Variants in ANXA8 observed in about 807,000 individuals in gnomAD.
ANXA8 encodes VAC-beta.
In ANXA8, 9 loss-of-function variants were observed where a neutral mutation model predicts 26.8. The observed-to-expected ratio is 0.34, with a 90% CI of 0.20 to 0.59. The LOEUF (loss-of-function observed/expected upper bound fraction) is 0.59, where lower values mean the gene tolerates loss of function less well. Among genes scored for constraint, ANXA8 ranks in the 20% least tolerant of loss-of-function variants. ANXA8 has a pLI of 0.84. For synonymous variants in ANXA8, 39 were observed against 94.8 expected (o/e 0.41, Z 3.42); for missense variants, 83 against 238.5 (o/e 0.35, Z 4.29).
At chr10:47,660,630 ACCT>A in the ANXA8 span, among the ~76,000 whole-genome samples, 1 of 151,634 alleles carries the variant, frequency 6.6e-6, no homozygotes, top group Non-Finnish European at 1.5e-5. Flanking sequence ...TGAACTCCTG[ACCT>A]CCAGTGATCT....
the ANXA8 span, among the ~76,000 whole-genome samples, chr10:47,696,064 C>T: frequency 6.6e-6 from 1 of 151,630 alleles, no homozygotes; most frequent in Non-Finnish European, 1.5e-5. Context: ...CACTACTTTG[C>T]CTTCTGGTCC....
At chr10:47,636,545 C>T in the ANXA8 span, among the ~76,000 whole-genome samples, 1 of 144,516 alleles carries the variant, frequency 6.9e-6, no homozygotes, top group Admixed American at 6.9e-5. Flanking sequence ...AAAAATTGTA[C>T]ACCTTTCATA....
At chr10:47,991,697 C>T in the ANXA8 span, 2 of 1,611,362 alleles carry the variant, frequency 1.2e-6, no homozygotes, top group African/African-American at 1.3e-5. Context: ...TTCCACCAGG[C>T]CATCTCTTTC....
the ANXA8 span, among the ~76,000 whole-genome samples, chr10:47,566,408 G>C: frequency 1.3e-5 from 2 of 150,408 alleles, no homozygotes; most frequent in Non-Finnish European, 3.0e-5. Context: ...AAACTTTCTT[G>C]CCACAAACTG....
At chr10:47,720,402 A>G in the ANXA8 span, among the ~76,000 whole-genome samples, 1 of 146,804 alleles carries the variant, frequency 6.8e-6, no homozygotes, top group Non-Finnish European at 1.5e-5. Context: ...TAGAATTTAA[A>G]GGCTAAAAGT....
At chr10:47,777,529 A>G in the ANXA8 span, among the ~76,000 whole-genome samples, 2 of 152,204 alleles carry the variant, frequency 1.3e-5, no homozygotes, top group Non-Finnish European at 2.9e-5. Flanking sequence ...CCAATATGCA[A>G]CAGCCAGTAA....
At chr10:47,733,053 A>G in the ANXA8 span, among the ~76,000 whole-genome samples, 1 of 150,790 alleles carries the variant, frequency 6.6e-6, no homozygotes, top group South Asian at 2.1e-4. Flanking sequence ...AAAAAGGGGG[A>G]CTTGATTGAC....
the ANXA8 span, among the ~76,000 whole-genome samples, chr10:47,515,968 A>G: frequency 7.6e-6 from 1 of 132,080 alleles, no homozygotes; most frequent in Non-Finnish European, 1.6e-5. Flanking sequence ...AAAGGAATTG[A>G]TAGGACCAGT....
At chr10:47,667,833 G>A in the ANXA8 span, among the ~76,000 whole-genome samples, 1 of 152,002 alleles carries the variant, frequency 6.6e-6, no homozygotes, top group Non-Finnish European at 1.5e-5. Context: ...CGCCTACTGG[G>A]TTCAAGCCAT....
chr10:47,743,329 CATATATATATACAT>C, the ANXA8 span, among the ~76,000 whole-genome samples: 4 of 47,790 alleles, frequency 8.4e-5, no homozygotes, highest in African/African-American at 2.8e-4. Flanking sequence ...TATATATATA[CATATATATATACAT>C]ATATATATAT....
chr10:47,957,320 A>C, the ANXA8 span, among the ~76,000 whole-genome samples: 1 of 150,386 alleles, frequency 6.6e-6, no homozygotes, highest in Non-Finnish European at 1.5e-5. Context: ...TAGCCTCCGG[A>C]TGCTGCTGGC....
the ANXA8 span, among the ~76,000 whole-genome samples, chr10:47,733,179 T>TTCTCTCTCTCTCTCTCTC: frequency 1.1e-5 from 1 of 87,586 alleles, no homozygotes; most frequent in African/African-American, 3.2e-5. Flanking sequence ...CTTTCTTTCT[T>TTCTCTCTCTCTCTCTCTC]TCTTTCTTTC....
the ANXA8 span, among the ~76,000 whole-genome samples, chr10:47,497,305 G>A: frequency 1.1e-5 from 1 of 88,502 alleles, no homozygotes. Context: ...GATAACAAGA[G>A]CAAAAGTCCA....
the ANXA8 span, among the ~76,000 whole-genome samples, chr10:47,947,363 T>C: frequency 1.4e-5 from 2 of 140,662 alleles, no homozygotes; most frequent in Non-Finnish European, 3.0e-5. Context: ...GGAATTGCTA[T>C]GGTTGCATGT....
At chr10:47,748,359 G>A in the ANXA8 span, among the ~76,000 whole-genome samples, 11 of 148,270 alleles carry the variant, frequency 7.4e-5, no homozygotes, top group South Asian at 4.5e-4. Context: ...TTACAGGCAC[G>A]CGCCACCATG....
chr10:47,727,218 AC>A, the ANXA8 span, among the ~76,000 whole-genome samples: 3 of 152,298 alleles, frequency 2.0e-5, no homozygotes, highest in Non-Finnish European at 2.9e-5. Context: ...ATTTTACTTA[AC>A]TCTAGTTTTA....
chr10:47,488,957 C>T (rs1371186167), upstream of ANXA8, among the ~76,000 whole-genome samples: 62 of 148,260 alleles, frequency 4.2e-4, no homozygotes, highest in Non-Finnish European at 4.6e-4. Flanking sequence ...CCTCATGATC[C>T]GCCCACCTCA....
the ANXA8 span, among the ~76,000 whole-genome samples, chr10:47,619,118 C>T: frequency 5.3e-5 from 6 of 113,220 alleles, 1 homozygote; most frequent in African/African-American, 2.0e-4. Context: ...GAGACTTATA[C>T]AGGTATGAGA....
At chr10:47,670,180 A>G in the ANXA8 span, among the ~76,000 whole-genome samples, 3 of 151,960 alleles carry the variant, frequency 2.0e-5, no homozygotes, top group Non-Finnish European at 4.4e-5. Flanking sequence ...GGTATAGCAT[A>G]GATCACTGCT....
Sources: allele counts gnomAD v4.1 joint callset (sites outside exome capture counted in the v4.1 genomes callset), GRCh38; gene constraint gnomAD v4.1.1; transcripts MANE v1.5; gene names NCBI Gene and HGNC (gene_info 2026-07-23, HGNC 2026-07-21).